The following NODAL variants were observed in gnomAD, a reference collection of about 807,000 sequenced individuals.
NODAL encodes the protein nodal growth differentiation factor.
In NODAL, 12 loss-of-function variants were observed where a neutral mutation model predicts 34.0. That is an observed-to-expected ratio of 0.35 (90% CI 0.23 to 0.57). NODAL has a LOEUF of 0.57. Among genes scored for constraint, NODAL ranks in the 20% least tolerant of loss-of-function variants. The pLI is 0.83. For synonymous variants in NODAL, 162 were observed against 186.4 expected (o/e 0.87, Z 1.07); for missense variants, 390 against 444.2 (o/e 0.88, Z 1.10).
At chr10:70,443,604 C>T (rs543058777), upstream of NODAL, among the ~76,000 whole-genome samples, 2 of 152,184 alleles carry the variant, frequency 1.3e-5, no homozygotes, top group South Asian at 4.2e-4. Context: ...CTTTGGGAGG[C>T]TGAGGTGGGA....
intron 2 of NODAL, among the ~76,000 whole-genome samples, chr10:70,434,574 G>C (rs916647519): frequency 6.6e-6 from 1 of 152,124 alleles, no homozygotes; most frequent in South Asian, 2.1e-4. Context: ...TGTTGGTCAG[G>C]CTGGTCTCAA....
chr10:70,433,473 G>A (rs1049933578), intron 2 of NODAL, among the ~76,000 whole-genome samples: 1 of 151,636 alleles, frequency 6.6e-6, no homozygotes, highest in Non-Finnish European at 1.5e-5. Context: ...GGAGTGCAGT[G>A]GTGTGATCAC....
Position 70,435,921 on chromosome 10 carries a change from CTT to C in NODAL, c.254_255del (p.Gln85ArgfsTer7). 1 of 1,614,166 alleles carries C rather than the reference CTT, an allele frequency of 6.2e-7. No individual in the cohort carries two copies. Among genetic ancestry groups the C allele is most frequent in the Non-Finnish European group, 8.5e-7 (1 of 1,180,028 alleles). ...CGGAGCTCAGCCCATGCCAGATCCT[CTT>C]GTTGGCTCAGGAAGGAGAAGTCAAA... ...FAFDFSFLSQ[Q>X]EDLAWAELRL... On this transcript the variant is annotated frameshift_variant, in exon 2 of 3. Transcript: ENST00000287139. LOFTEE classifies it high-confidence loss of function.
Position 70,435,482 on chromosome 10 carries a change from C to T in NODAL, c.695G>A (p.Gly232Asp). The T allele has an allele frequency of 6.2e-7, 1 of 1,614,178 alleles. No homozygotes were observed. The highest frequency in any genetic ancestry group is 8.5e-7 in the Non-Finnish European group (1 of 1,180,030). ...CAAGTGATGTCGACGGTGCCTCTTG[C>T]CCCACTCCCAGGACAGCTGTCCCTC... ...AQEGQLSWEW[G>D]KRHRRHHLPD... The change falls in exon 2 of 3, where the codon GGC becomes GAC. Residue 232 changes from glycine (G) to aspartate (D), a missense_variant. Transcript: ENST00000287139.
At chr10:70,447,869 C>A (rs778173678) in intron 1 of NODAL, 2 of 471,090 alleles carry the variant, frequency 4.2e-6, no homozygotes, top group Non-Finnish European at 4.4e-6. Flanking sequence ...CTGCAACCTA[C>A]GTGAATGAAT....
At chr10:70,437,399 C>A (rs1300661863) in intron 1 of NODAL, among the ~76,000 whole-genome samples, 1 of 152,150 alleles carries the variant, frequency 6.6e-6, no homozygotes, top group African/African-American at 2.4e-5. Flanking sequence ...CGGGATCGCG[C>A]CACTGAACTC....
intron 1 of NODAL, among the ~76,000 whole-genome samples, chr10:70,440,894 G>A (rs1375479416): frequency 6.6e-6 from 1 of 152,108 alleles, no homozygotes; most frequent in Non-Finnish European, 1.5e-5. Flanking sequence ...CTCAGCTGCC[G>A]ATACTCCCGA....
At chr10:70,447,623 T>A (rs1338642336) in intron 1 of NODAL, among the ~76,000 whole-genome samples, 1 of 148,470 alleles carries the variant, frequency 6.7e-6, no homozygotes, top group Admixed American at 6.8e-5. Flanking sequence ...ATCACACCAC[T>A]CCACTCCAGC....
chr10:70,434,515 A>C (rs1845316899), intron 2 of NODAL, among the ~76,000 whole-genome samples: 1 of 152,188 alleles, frequency 6.6e-6, no homozygotes. Context: ...GGCATGTGCC[A>C]CAACACCCGG....
chr10:70,439,061 G>A (rs1339354523), intron 1 of NODAL, among the ~76,000 whole-genome samples: 3 of 152,096 alleles, frequency 2.0e-5, no homozygotes, highest in Admixed American at 6.5e-5. Context: ...CTCGAGTGCA[G>A]TGGTGCGATC....
chr10:70,443,898 G>A (rs1050204882), upstream of NODAL, among the ~76,000 whole-genome samples: 8 of 150,146 alleles, frequency 5.3e-5, no homozygotes, highest in African/African-American at 1.5e-4. Flanking sequence ...CTGAAGATAC[G>A]CATCACCTTG....
chr10:70,432,614 G>A lies in NODAL; in HGVS notation c.*322C>T. On this transcript the variant is annotated 3_prime_UTR_variant, in exon 3 of 3. Transcript: ENST00000287139. ...CAACTTTCACATACAGTTTCGGGGG[G>A]TTCACAGGTTTTTAAAAAATCCAGT... The A allele has an allele frequency of 5.0e-6, 2 of 397,786 alleles. No homozygotes were observed. Among genetic ancestry groups the A allele is most frequent in the Non-Finnish European group, 9.5e-6 (2 of 209,634 alleles). The allele number at this position is 397,786 out of a possible 1,614,324, so 24.6% of individuals were successfully genotyped here. A position where few individuals can be genotyped will look rare whatever the true frequency, so the allele number is the denominator to read the frequency against.
intron 1 of NODAL, chr10:70,436,386 C>T (rs1845354010): frequency 3.0e-5 from 9 of 299,910 alleles, no homozygotes; most frequent in South Asian, 3.0e-4. Context: ...GAAGTCTGAC[C>T]AACATGGAGA....
At chr10:70,434,939 G>A (rs2231957) in intron 2 of NODAL, 48 of 317,584 alleles carry the variant, frequency 1.5e-4, no homozygotes, top group African/African-American at 1.0e-3. Flanking sequence ...ATGCAGGCCT[G>A]CCTGTCCCCA....
intron 1 of NODAL, among the ~76,000 whole-genome samples, chr10:70,436,850 G>A (rs1268525573): frequency 1.3e-5 from 2 of 152,214 alleles, no homozygotes; most frequent in African/African-American, 4.8e-5. Context: ...CCAGAAGGCT[G>A]AAAGTGGGAG....
intron 1 of NODAL, among the ~76,000 whole-genome samples, chr10:70,438,133 A>C (rs1471531464): frequency 2.0e-5 from 3 of 152,064 alleles, no homozygotes; most frequent in African/African-American, 4.8e-5. Context: ...CTACTAAAAA[A>C]AAAATACAAA....
chr10:70,441,734 G>T (rs193024233), upstream of NODAL: 337 of 1,483,790 alleles, frequency 2.3e-4, 4 homozygotes, highest in East Asian at 7.7e-3. Flanking sequence ...CAGCCGCCCC[G>T]CCCCCACCTT....
intron 1 of NODAL, among the ~76,000 whole-genome samples, chr10:70,439,689 CCTCCAGT>C (rs1270892032): frequency 6.6e-6 from 1 of 152,220 alleles, no homozygotes; most frequent in Non-Finnish European, 1.5e-5. Flanking sequence ...CATCCCTTCT[CCTCCAGT>C]CTCCCTCCAG....
upstream of NODAL, among the ~76,000 whole-genome samples, chr10:70,446,149 C>T (rs1388751791): frequency 6.6e-6 from 1 of 152,168 alleles, no homozygotes; most frequent in Non-Finnish European, 1.5e-5. Context: ...GGAATGACAC[C>T]TTCTCGTTTC....
Sources: allele counts gnomAD v4.1 joint callset (sites outside exome capture counted in the v4.1 genomes callset), GRCh38; gene constraint gnomAD v4.1.1; transcripts MANE v1.5; gene names NCBI Gene and HGNC (gene_info 2026-07-23, HGNC 2026-07-21).